Variants in SPAG9 observed in about 807,000 individuals in gnomAD.
The protein encoded by SPAG9 is C-Jun-amino-terminal kinase-interacting protein 4.
Under a neutral mutation model 166.5 loss-of-function variants are expected in SPAG9, and 35 were observed. The observed-to-expected ratio is 0.21, with a 90% CI of 0.16 to 0.28. The LOEUF is 0.28. SPAG9 is among the 10% of genes least tolerant of loss of function. The probability of loss-of-function intolerance (pLI) is 1.00; values close to 1 mark genes in which losing one functional copy is unlikely to be tolerated. For missense variants in SPAG9, 1,235 were observed against 1,603.3 expected (o/e 0.77, Z 3.92); for synonymous variants, 534 against 565.5 (o/e 0.94, Z 0.79).
intron 6 of SPAG9, among the ~76,000 whole-genome samples, chr17:51,027,065 T>C (rs886142564): frequency 6.6e-6 from 1 of 152,124 alleles, no homozygotes. Context: ...AGCACTTAGA[T>C]GGGAAATCGG....
At chr17:51,041,333 A>G (rs1428458321) in intron 5 of SPAG9, among the ~76,000 whole-genome samples, 168 bp downstream of exon 5, 3 of 152,180 alleles carry the variant, frequency 2.0e-5, no homozygotes, top group Admixed American at 6.5e-5. Context: ...AAATAGTAAA[A>G]AACACACTCT....
At chr17:51,094,496 T>C (rs2048557987) in intron 1 of SPAG9, among the ~76,000 whole-genome samples, 1 of 152,214 alleles carries the variant, frequency 6.6e-6, no homozygotes, top group Non-Finnish European at 1.5e-5. Flanking sequence ...TTGGAAATTA[T>C]TAAAGTATGA....
chr17:51,061,433 T>C (rs2047512297), intron 2 of SPAG9, among the ~76,000 whole-genome samples: 1 of 151,546 alleles, frequency 6.6e-6, no homozygotes, highest in South Asian at 2.1e-4. Flanking sequence ...GCCAACATGG[T>C]GAAACCCCTC....
intron 1 of SPAG9, among the ~76,000 whole-genome samples, chr17:51,084,564 G>A (rs535745836): frequency 8.6e-5 from 13 of 152,042 alleles, no homozygotes; most frequent in Non-Finnish European, 1.6e-4. Context: ...GGGCTACCAC[G>A]CCCAGCTAAT....
At chr17:51,017,692 C>G (rs2045761346) in intron 8 of SPAG9, among the ~76,000 whole-genome samples, 1 of 152,062 alleles carries the variant, frequency 6.6e-6, no homozygotes, top group Non-Finnish European at 1.5e-5. Context: ...TAATTAGGAT[C>G]AAATTATATA....
chr17:51,064,309 T>C (rs1433534048), intron 2 of SPAG9, among the ~76,000 whole-genome samples: 1 of 152,228 alleles, frequency 6.6e-6, no homozygotes, highest in Non-Finnish European at 1.5e-5. Flanking sequence ...TACCCATTTA[T>C]GAGGAACTAA....
chr17:51,070,785 C>A (rs2047800603), intron 2 of SPAG9, among the ~76,000 whole-genome samples: 1 of 152,180 alleles, frequency 6.6e-6, no homozygotes, highest in East Asian at 1.9e-4. Flanking sequence ...TGTTTCTGGG[C>A]TGCCATGGTA....
intron 1 of SPAG9, among the ~76,000 whole-genome samples, chr17:51,086,138 C>G (rs2048300663): frequency 1.3e-5 from 2 of 151,626 alleles, no homozygotes; most frequent in Non-Finnish European, 2.9e-5. Context: ...CATCACCATA[C>G]TCAGCTAATT....
intron 3 of SPAG9, among the ~76,000 whole-genome samples, chr17:51,055,151 C>A (rs1351924566): frequency 1.1e-4 from 16 of 152,076 alleles, no homozygotes; most frequent in Admixed American, 9.8e-4. Context: ...AGCTCAAGAC[C>A]AGCCTGGCCA....
intron 12 of SPAG9, among the ~76,000 whole-genome samples, chr17:51,002,808 G>A (rs900500154): frequency 1.3e-5 from 2 of 151,884 alleles, no homozygotes; most frequent in Non-Finnish European, 2.9e-5. Context: ...ACAAACAGTA[G>A]GGCCAGGCAC....
chr17:50,993,677 G>T, intron 19 of SPAG9, 87 bp downstream of exon 19: 1 of 1,319,428 alleles, frequency 7.6e-7, no homozygotes, highest in East Asian at 2.3e-5. Context: ...ACAGCAAGGT[G>T]CAGAACTGCA....
At chr17:51,019,544 G>A (rs2045848696) in intron 8 of SPAG9, among the ~76,000 whole-genome samples, 3 of 149,142 alleles carry the variant, frequency 2.0e-5, no homozygotes, top group Non-Finnish European at 3.0e-5. Context: ...GCTACAGAGC[G>A]AGACTCCATC....
chr17:51,007,142 C>T (rs2045260374), intron 10 of SPAG9, 127 bp downstream of exon 10: 1 of 538,630 alleles, frequency 1.9e-6, no homozygotes, highest in Admixed American at 3.3e-5. Flanking sequence ...TGTGTGTGCA[C>T]ACTCAGAGTT....
At chr17:51,078,828 T>G (rs967743093) in intron 2 of SPAG9, among the ~76,000 whole-genome samples, 5 of 152,160 alleles carry the variant, frequency 3.3e-5, no homozygotes, top group African/African-American at 4.8e-5. Context: ...GTACTTTTTT[T>G]TCTCCAGTAT....
chr17:51,005,937 T>C (rs1597972049), intron 11 of SPAG9, 148 bp downstream of exon 11: 1 of 726,430 alleles, frequency 1.4e-6, no homozygotes, highest in Admixed American at 2.5e-5. Flanking sequence ...GCAGAGGCAA[T>C]GGGCTGGGGC....
intron 6 of SPAG9, chr17:51,023,202 T>C (rs953839615): frequency 7.4e-5 from 11 of 148,080 alleles, no homozygotes; most frequent in Non-Finnish European, 1.6e-4. Flanking sequence ...ACTATTTGTA[T>C]AATTCTAAAT....
chr17:51,090,517 T>C (rs1377089381), intron 1 of SPAG9, among the ~76,000 whole-genome samples: 1 of 152,054 alleles, frequency 6.6e-6, no homozygotes, highest in African/African-American at 2.4e-5. Context: ...AAAAAAAAGA[T>C]TACATTCATC....
chr17:51,010,686 A>C (rs568135556), intron 9 of SPAG9, among the ~76,000 whole-genome samples: 3 of 151,944 alleles, frequency 2.0e-5, no homozygotes, highest in Non-Finnish European at 2.9e-5. Flanking sequence ...TGAGAGGTGC[A>C]GGATGGAGAG....
At chr17:51,062,639 G>A (rs1021871369) in intron 2 of SPAG9, among the ~76,000 whole-genome samples, 2 of 152,146 alleles carry the variant, frequency 1.3e-5, no homozygotes, top group Non-Finnish European at 2.9e-5. Context: ...CACCCAGGCT[G>A]GAGTGTAGTG....
Sources: gnomAD v4.1 joint callset for allele counts (sites outside exome capture counted in the v4.1 genomes callset) on GRCh38, gnomAD v4.1.1 for gene constraint, MANE v1.5 for transcripts, NCBI Gene and HGNC (gene_info 2026-07-23, HGNC 2026-07-21) for gene names.